The following RBFOX1 variants were observed in gnomAD, a reference collection of about 807,000 sequenced individuals.
RBFOX1 encodes the protein RNA binding fox-1 homolog 1.
Under a neutral mutation model 57.7 loss-of-function variants are expected in RBFOX1, and 8 were observed. That is an observed-to-expected ratio of 0.14 (90% confidence interval 0.08 to 0.25). The LOEUF is 0.25. RBFOX1 is among the 10% of genes least tolerant of loss of function. The pLI is 1.00. For synonymous variants in RBFOX1, 326 were observed against 222.4 expected, an observed-to-expected ratio of 1.47 and a Z score of -4.15; for missense variants, 611 against 548.5, an observed-to-expected ratio of 1.11 and a Z score of -1.14.
intron 2 of RBFOX1, among the ~76,000 whole-genome samples, chr16:5,548,154 C>G (rs2045295069): frequency 2.7e-5 from 2 of 73,108 alleles, no homozygotes; most frequent in South Asian, 4.0e-4. Context: ...GAGCAAGACT[C>G]TGTTAAAAAA....
intron 3 of RBFOX1, among the ~76,000 whole-genome samples, chr16:5,759,313 A>C (rs1226681227): frequency 6.6e-6 from 1 of 152,156 alleles, no homozygotes; most frequent in Admixed American, 6.5e-5. Flanking sequence ...CATAGTGGGA[A>C]TTGGTGAACT....
rs140695568 is a variant in RBFOX1 at position 5,910,369 on chromosome 16, C to T, written c.351+43034C>T. ...TGCACCCTCTAGGAGGTACCAGAGC[C>T]TTCTTGACTGGAAGAATGTCCCTTC... On this transcript the variant is annotated intron_variant, in intron 4 of 19. Coordinates refer to the RBFOX1 transcript ENST00000641259. Among the ~76,000 whole-genome samples, 878 of 152,302 alleles carry T rather than the reference C, an allele frequency of 5.8e-3. 7 individuals carry two copies. Among genetic ancestry groups the T allele is most frequent in the Non-Finnish European group, 0.011 (743 of 68,022 alleles).
At chr16:6,233,320 A>C (rs12930199) in intron 1 of RBFOX1, among the ~76,000 whole-genome samples, 1 of 151,898 alleles carries the variant, frequency 6.6e-6, no homozygotes, top group African/African-American at 2.4e-5. Flanking sequence ...GTTTCTGTTA[A>C]TTCCTTGCAT....
At chr16:5,270,630 C>G in intron 1 of RBFOX1, 1 of 572,176 alleles carries the variant, frequency 1.7e-6, no homozygotes, top group Non-Finnish European at 3.3e-6. Flanking sequence ...ATACTGAAGA[C>G]CTCTTATGCT....
chr16:7,634,117 A>G (rs1173145646), intron 11 of RBFOX1, among the ~76,000 whole-genome samples: 1 of 152,190 alleles, frequency 6.6e-6, no homozygotes, highest in African/African-American at 2.4e-5. Context: ...ATGGGTGCAG[A>G]CTTTTTCTCT....
chr16:5,853,275 C>T (rs1324101498), intron 3 of RBFOX1, among the ~76,000 whole-genome samples: 1 of 152,122 alleles, frequency 6.6e-6, no homozygotes, highest in African/African-American at 2.4e-5. Flanking sequence ...GCCAGACAAC[C>T]CTCACCTCCT....
chr16:6,522,926 C>A (rs757801939), intron 2 of RBFOX1, among the ~76,000 whole-genome samples: 1 of 152,210 alleles, frequency 6.6e-6, no homozygotes, highest in African/African-American at 2.4e-5. Flanking sequence ...TCGGGGACTT[C>A]GCTTTACTCC....
intron 4 of RBFOX1, among the ~76,000 whole-genome samples, chr16:7,410,042 T>G (rs899609030): frequency 6.6e-6 from 1 of 151,150 alleles, no homozygotes; most frequent in Non-Finnish European, 1.5e-5. Context: ...CAATTAAAGC[T>G]GCATCTTACA....
chr16:5,521,588 G>C (rs2044017822), intron 2 of RBFOX1, among the ~76,000 whole-genome samples: 1 of 152,128 alleles, frequency 6.6e-6, no homozygotes, highest in Non-Finnish European at 1.5e-5. Context: ...ATTTCCCAGA[G>C]TCACAGGGGA....
At chr16:5,303,294 C>T (rs1002824241) in intron 1 of RBFOX1, among the ~76,000 whole-genome samples, 5 of 152,190 alleles carry the variant, frequency 3.3e-5, no homozygotes, top group East Asian at 1.9e-4. Flanking sequence ...CTGGGATTTT[C>T]TGTCAGGCTG....
intron 1 of RBFOX1, among the ~76,000 whole-genome samples, chr16:6,100,271 T>C (rs2096288825): frequency 6.6e-6 from 1 of 152,128 alleles, no homozygotes; most frequent in African/African-American, 2.4e-5. Flanking sequence ...CACGCCATTC[T>C]CCTGCCTCAG....
chr16:5,424,919 C>T (rs1380957876), intron 1 of RBFOX1, among the ~76,000 whole-genome samples: 14 of 96,684 alleles, frequency 1.4e-4, no homozygotes, highest in Non-Finnish European at 2.2e-4. Context: ...TTCTTTCTTT[C>T]TTTCTTTCTT....
chr16:6,727,898 G>C (rs1264711614), intron 3 of RBFOX1, among the ~76,000 whole-genome samples: 3 of 152,116 alleles, frequency 2.0e-5, no homozygotes, highest in Non-Finnish European at 4.4e-5. Flanking sequence ...ATTCCATTTT[G>C]AAATCATACA....
chr16:6,404,618 G>T (rs916948142), intron 2 of RBFOX1, among the ~76,000 whole-genome samples: 1 of 152,208 alleles, frequency 6.6e-6, no homozygotes, highest in Admixed American at 6.5e-5. Flanking sequence ...GTCCTAGTTT[G>T]CTTGGGACGG....
intron 4 of RBFOX1, among the ~76,000 whole-genome samples, chr16:5,900,593 C>T (rs1173642376): frequency 6.6e-6 from 1 of 152,170 alleles, no homozygotes; most frequent in Non-Finnish European, 1.5e-5. Context: ...GCAGCCAGTT[C>T]CTCATCCGTA....
At chr16:7,389,537 C>A (rs190734977) in intron 4 of RBFOX1, among the ~76,000 whole-genome samples, 1 of 152,112 alleles carries the variant, frequency 6.6e-6, no homozygotes, top group African/African-American at 2.4e-5. Context: ...CTTAATCTTG[C>A]GAACAACTCT....
intron 3 of RBFOX1, among the ~76,000 whole-genome samples, chr16:6,858,138 A>C (rs1025151661): frequency 6.6e-6 from 1 of 152,222 alleles, no homozygotes; most frequent in Non-Finnish European, 1.5e-5. Context: ...TACAGTTATT[A>C]ACGTGACTGT....
At chr16:5,577,649 TGCAAAATTTTAAAATGGCAA>T (rs1384337622) in intron 2 of RBFOX1, among the ~76,000 whole-genome samples, 1 of 152,162 alleles carries the variant, frequency 6.6e-6, no homozygotes, top group East Asian at 1.9e-4. Context: ...ATGGATCATT[TGCAAAATTTTAAAATGGCAA>T]GGCAGTGACT....
intron 1 of RBFOX1, among the ~76,000 whole-genome samples, chr16:6,229,918 G>C (rs913114525): frequency 1.4e-4 from 22 of 151,988 alleles, no homozygotes; most frequent in Non-Finnish European, 3.1e-4. Context: ...CCTCGCGAAA[G>C]TGATCCTCAT....
Sources: allele counts gnomAD v4.1 joint callset (sites outside exome capture counted in the v4.1 genomes callset), GRCh38; gene constraint gnomAD v4.1.1; transcripts MANE v1.5; gene names NCBI Gene and HGNC (gene_info 2026-07-23, HGNC 2026-07-21).